SH3RF2: variants seen among roughly 807,000 people sequenced by gnomAD.
SH3RF2 encodes the protein E3 ubiquitin-protein ligase SH3RF2.
In SH3RF2, 43 loss-of-function variants were observed where a neutral mutation model predicts 59.0. The observed-to-expected ratio is 0.73, with a 90% confidence interval of 0.57 to 0.94. The LOEUF (loss-of-function observed/expected upper bound fraction) is 0.94, where lower values mean the gene tolerates loss of function less well. Ranked by LOEUF, SH3RF2 falls within the 40% of genes least tolerant of loss-of-function variation. The probability of loss-of-function intolerance (pLI) is 0.00; values close to 1 mark genes in which losing one functional copy is unlikely to be tolerated. For missense variants in SH3RF2, 930 were observed against 940.1 expected (o/e 0.99, Z 0.14); for synonymous variants, 391 against 391.5 (o/e 1.00, Z 0.01).
intron 2 of SH3RF2, among the ~76,000 whole-genome samples, chr5:145,960,209 T>G (rs1758580681): frequency 6.6e-6 from 1 of 152,200 alleles, no homozygotes; most frequent in Admixed American, 6.5e-5. Flanking sequence ...TGTGCCACTA[T>G]GCCCAGCTGT....
chr5:146,064,616 GGA>G (rs1580948032), downstream of SH3RF2, among the ~76,000 whole-genome samples: 22 of 41,360 alleles, frequency 5.3e-4, 2 homozygotes, highest in Non-Finnish European at 7.1e-4. Flanking sequence ...AGAGAGAGAG[GGA>G]GAGAGAGAGA....
At chr5:146,056,269 C>T (rs1017600656) in intron 8 of SH3RF2, 56 bp downstream of exon 8, 8 of 1,611,120 alleles carry the variant, frequency 5.0e-6, no homozygotes, top group Non-Finnish European at 6.8e-6. Flanking sequence ...GGAATCTGAC[C>T]CAGGGGTACA....
chr5:146,010,281 A>G (rs1490909601), intron 4 of SH3RF2, among the ~76,000 whole-genome samples: 1 of 152,178 alleles, frequency 6.6e-6, no homozygotes, highest in Non-Finnish European at 1.5e-5. Context: ...TCTATCAGTG[A>G]TGGACATTTG....
intron 2 of SH3RF2, among the ~76,000 whole-genome samples, chr5:145,938,619 A>G (rs1757693912): frequency 6.6e-6 from 1 of 152,222 alleles, no homozygotes; most frequent in African/African-American, 2.4e-5. Context: ...TTCTGAGGCC[A>G]AACTAGTGCC....
At chr5:146,047,154 CGTGTGT>C (rs35750777) in intron 5 of SH3RF2, among the ~76,000 whole-genome samples, 8 of 148,134 alleles carry the variant, frequency 5.4e-5, no homozygotes, top group Admixed American at 2.0e-4. Flanking sequence ...ATTGGATAGG[CGTGTGT>C]GTGTGTGTGT....
chr5:146,055,789 C>T (rs1341550321), intron 7 of SH3RF2, 192 bp from the exon 8 acceptor site: 23 of 619,424 alleles, frequency 3.7e-5, no homozygotes, highest in Non-Finnish European at 4.2e-5. Flanking sequence ...CACAGTTATC[C>T]GGGTGTAGGG....
exon 10 of SH3RF2, chr5:146,079,828 G>A (rs1408783321): frequency 6.6e-6 from 1 of 152,252 alleles, no homozygotes; most frequent in African/African-American, 2.4e-5. Context: ...TGGTAGGTGA[G>A]AAGGGAAGAG....
chr5:146,016,756 T>G (rs1761121487), intron 5 of SH3RF2, among the ~76,000 whole-genome samples: 1 of 152,160 alleles, frequency 6.6e-6, no homozygotes, highest in African/African-American at 2.4e-5. Flanking sequence ...AGCCTCCCTT[T>G]TCTTGGTTGT....
At chr5:146,028,782 C>G (rs1468327742) in intron 5 of SH3RF2, among the ~76,000 whole-genome samples, 5 of 152,140 alleles carry the variant, frequency 3.3e-5, no homozygotes, top group Admixed American at 1.3e-4. Flanking sequence ...TCTGAATAGC[C>G]CCAGCAGACC....
chr5:145,993,287 C>A (rs1760023048), intron 2 of SH3RF2, among the ~76,000 whole-genome samples: 1 of 152,212 alleles, frequency 6.6e-6, no homozygotes, highest in African/African-American at 2.4e-5. Flanking sequence ...GTGTCTGCAG[C>A]TTTTCCAGCA....
intron 2 of SH3RF2, among the ~76,000 whole-genome samples, chr5:145,970,335 A>C (rs1218168051): frequency 6.6e-6 from 1 of 151,882 alleles, no homozygotes; most frequent in Non-Finnish European, 1.5e-5. Flanking sequence ...TTGCATCCTC[A>C]TAGTTTAGCT....
intron 5 of SH3RF2, among the ~76,000 whole-genome samples, chr5:146,026,295 G>C (rs947812223): frequency 1.3e-5 from 2 of 152,120 alleles, no homozygotes; most frequent in East Asian, 3.9e-4. Flanking sequence ...ATAGTCCCAG[G>C]TGGCAGTAAC....
chr5:145,958,799 G>C (rs1396105737), intron 2 of SH3RF2, among the ~76,000 whole-genome samples: 3 of 152,114 alleles, frequency 2.0e-5, no homozygotes, highest in Non-Finnish European at 4.4e-5. Flanking sequence ...AGTTTGCTGG[G>C]CTTGGGTCAG....
At chr5:145,961,511 A>G (rs1042143994) in intron 2 of SH3RF2, among the ~76,000 whole-genome samples, 1 of 152,192 alleles carries the variant, frequency 6.6e-6, no homozygotes, top group East Asian at 1.9e-4. Flanking sequence ...GGATGAAAGG[A>G]CCCAAATGCC....
At chr5:145,954,420 AAATTT>A (rs1758314224) in intron 2 of SH3RF2, among the ~76,000 whole-genome samples, 1 of 149,836 alleles carries the variant, frequency 6.7e-6, no homozygotes, top group Non-Finnish European at 1.5e-5. Context: ...TTTCTCTTAT[AAATTT>A]AAGTTCCTTA....
intron 5 of SH3RF2, among the ~76,000 whole-genome samples, chr5:146,035,175 T>A (rs2150006715): frequency 6.6e-6 from 1 of 152,016 alleles, no homozygotes; most frequent in African/African-American, 2.4e-5. Flanking sequence ...TTTTTTTCTC[T>A]TTTTTAAAAT....
At chr5:145,974,773 A>C (rs899329950) in intron 2 of SH3RF2, among the ~76,000 whole-genome samples, 1 of 152,234 alleles carries the variant, frequency 6.6e-6, no homozygotes. Context: ...CTGTAGTTTA[A>C]GAGAGGTGGG....
intron 2 of SH3RF2, among the ~76,000 whole-genome samples, chr5:145,967,470 T>C (rs1339192349): frequency 6.6e-6 from 1 of 152,204 alleles, no homozygotes; most frequent in East Asian, 1.9e-4. Flanking sequence ...CTCCATTTCA[T>C]GGAGGAGGAA....
intron 7 of SH3RF2, among the ~76,000 whole-genome samples, chr5:146,051,789 GC>G (rs1339992665): frequency 1.3e-5 from 2 of 152,210 alleles, no homozygotes; most frequent in East Asian, 1.9e-4. Flanking sequence ...GAGAGCTCCA[GC>G]CTTGAGATGC....
Sources: gnomAD v4.1 joint callset for allele counts (sites outside exome capture counted in the v4.1 genomes callset) on GRCh38, gnomAD v4.1.1 for gene constraint, MANE v1.5 for transcripts, NCBI Gene and HGNC (gene_info 2026-07-23, HGNC 2026-07-21) for gene names.